Variants in ST8SIA6 observed in about 807,000 individuals in gnomAD.
ST8SIA6 encodes alpha-2,8-sialyltransferase 8F.
A neutral mutation model predicts 33.6 loss-of-function variants in ST8SIA6; 39 were observed. The ratio of observed to expected loss-of-function variants is 1.16; its 90% CI spans 0.90 to 1.52. The LOEUF (loss-of-function observed/expected upper bound fraction) is 1.52. Among genes scored for constraint, ST8SIA6 ranks in the 40% most tolerant of loss-of-function variants. The pLI is 0.00. For missense variants in ST8SIA6, 441 were observed against 443.8 expected, an observed-to-expected ratio of 0.99 and a Z score of 0.06; for synonymous variants, 172 against 167.2, an observed-to-expected ratio of 1.03 and a Z score of -0.22.
intron 2 of ST8SIA6, among the ~76,000 whole-genome samples, chr10:17,399,655 A>C (rs765364764): frequency 6.6e-6 from 1 of 152,094 alleles, no homozygotes; most frequent in East Asian, 1.9e-4. Context: ...GGTGGCTTAC[A>C]CCTGTAATCC....
chr10:17,396,514 G>C (rs2131671459), intron 2 of ST8SIA6, among the ~76,000 whole-genome samples: 1 of 152,242 alleles, frequency 6.6e-6, no homozygotes, highest in South Asian at 2.1e-4. Flanking sequence ...ACATGGTGCA[G>C]CTGGGTGAGC....
In ST8SIA6 at chr10:17,316,900, A is replaced by G. The variant is rs1051024223; in HGVS notation, c.*3978T>C. Reference sequence around the variant, plus strand: ...CTAAAAGCTATTTCAGTCTGTCCCCAGCCTATTAACTTTAAGGTGTCATTC... The same window carrying G: ...CTAAAAGCTATTTCAGTCTGTCCCCGGCCTATTAACTTTAAGGTGTCATTC... On this transcript the variant is annotated 3_prime_UTR_variant, in exon 8 of 8. Transcript: ENST00000377602. 3.3e-5 allele frequency among the ~76,000 whole-genome samples: 5 copies of G among 152,128 alleles called. No individual in the cohort carries two copies. The highest frequency in any genetic ancestry group is 7.4e-5 in the Non-Finnish European group (5 of 68,002).
At chr10:17,326,876 G>A in intron 6 of ST8SIA6, 138 bp downstream of exon 6, 1 of 546,544 alleles carries the variant, frequency 1.8e-6, no homozygotes, top group Non-Finnish European at 3.0e-6. Flanking sequence ...AACACTTCAG[G>A]AAACCTTCCC....
At chr10:17,324,720 C>T (rs1464827256) in intron 6 of ST8SIA6, among the ~76,000 whole-genome samples, 1 of 144,762 alleles carries the variant, frequency 6.9e-6, no homozygotes, top group Non-Finnish European at 1.5e-5. Context: ...CACACACACA[C>T]ACACACACAC....
At chr10:17,396,797 C>A (rs1850823200) in intron 2 of ST8SIA6, among the ~76,000 whole-genome samples, 1 of 152,160 alleles carries the variant, frequency 6.6e-6, no homozygotes, top group Non-Finnish European at 1.5e-5. Flanking sequence ...AAAGTGCAAC[C>A]AACTCTTGTC....
At chr10:17,324,366 C>A (rs1464443902) in intron 6 of ST8SIA6, among the ~76,000 whole-genome samples, 1 of 151,836 alleles carries the variant, frequency 6.6e-6, no homozygotes, top group Admixed American at 6.6e-5. Context: ...AAATACGGCA[C>A]CTTGGTAAAA....
intron 2 of ST8SIA6, among the ~76,000 whole-genome samples, chr10:17,439,240 T>C (rs1268996191): frequency 6.6e-6 from 1 of 151,992 alleles, no homozygotes; most frequent in African/African-American, 2.4e-5. Context: ...TTACAGGTCA[T>C]GCATTATTAC....
intron 3 of ST8SIA6, among the ~76,000 whole-genome samples, chr10:17,370,054 C>T (rs1564426573): frequency 6.6e-6 from 1 of 151,104 alleles, no homozygotes; most frequent in African/African-American, 2.4e-5. Context: ...GATCTCGGCT[C>T]ACTGCAAGCT....
At chr10:17,330,541 T>TA (rs1019019549) in intron 5 of ST8SIA6, among the ~76,000 whole-genome samples, 2 of 152,148 alleles carry the variant, frequency 1.3e-5, no homozygotes, top group Middle Eastern at 3.2e-3. Flanking sequence ...CTCTAAATCC[T>TA]AATATAAAAA....
At chr10:17,381,533 G>A (rs1354369459) in intron 3 of ST8SIA6, among the ~76,000 whole-genome samples, 2 of 152,128 alleles carry the variant, frequency 1.3e-5, no homozygotes, top group African/African-American at 4.8e-5. Context: ...GCTTTTAAAG[G>A]TTATATAACT....
At chr10:17,389,892 G>A (rs556692866) in intron 3 of ST8SIA6, among the ~76,000 whole-genome samples, 6 of 152,256 alleles carry the variant, frequency 3.9e-5, no homozygotes, top group Admixed American at 2.6e-4. Context: ...TGCAGTCATA[G>A]CTCACTGCAG....
intron 3 of ST8SIA6, among the ~76,000 whole-genome samples, chr10:17,362,647 G>C (rs1354770232): frequency 6.6e-6 from 1 of 152,132 alleles, no homozygotes; most frequent in Non-Finnish European, 1.5e-5. Flanking sequence ...TTTGAGGACT[G>C]ACCTTTTCTA....
intron 2 of ST8SIA6, among the ~76,000 whole-genome samples, chr10:17,433,712 G>GC (rs2131724586): frequency 6.6e-6 from 1 of 152,278 alleles, no homozygotes; most frequent in African/African-American, 2.4e-5. Context: ...CCTCACTGTA[G>GC]CCCCAGTAAT....
chr10:17,372,890 A>G (rs1849781110), intron 3 of ST8SIA6, among the ~76,000 whole-genome samples: 1 of 152,202 alleles, frequency 6.6e-6, no homozygotes, highest in African/African-American at 2.4e-5. Context: ...GACAGGGACT[A>G]TAGAAGTGTA....
intron 2 of ST8SIA6, among the ~76,000 whole-genome samples, chr10:17,419,191 G>A (rs1201136086): frequency 1.3e-5 from 2 of 151,860 alleles, no homozygotes; most frequent in East Asian, 3.9e-4. Context: ...AGAACCTTTA[G>A]TACCAGGCTG....
intron 4 of ST8SIA6, among the ~76,000 whole-genome samples, chr10:17,351,969 A>G (rs1264060678): frequency 6.6e-6 from 1 of 152,164 alleles, no homozygotes; most frequent in African/African-American, 2.4e-5. Flanking sequence ...TCCATTGCAC[A>G]ACATGGTGAC....
At chr10:17,345,440 C>A (rs979816502) in intron 4 of ST8SIA6, among the ~76,000 whole-genome samples, 8 of 152,178 alleles carry the variant, frequency 5.3e-5, no homozygotes, top group Non-Finnish European at 1.0e-4. Flanking sequence ...AGTATGGGGA[C>A]TCAGCTCCCC....
At chr10:17,432,690 C>CT (rs2017479460) in intron 2 of ST8SIA6, among the ~76,000 whole-genome samples, 2 of 152,180 alleles carry the variant, frequency 1.3e-5, no homozygotes, top group South Asian at 4.1e-4. Flanking sequence ...TTAAAGCAAA[C>CT]TAAATATGGC....
intron 2 of ST8SIA6, among the ~76,000 whole-genome samples, chr10:17,422,121 A>G (rs1460522063): frequency 6.6e-6 from 1 of 152,182 alleles, no homozygotes; most frequent in Non-Finnish European, 1.5e-5. Flanking sequence ...TTTCACTTTT[A>G]ATCAAGAGAA....
Sources: allele counts gnomAD v4.1 joint callset (sites outside exome capture counted in the v4.1 genomes callset), GRCh38; gene constraint gnomAD v4.1.1; transcripts MANE v1.5; gene names NCBI Gene and HGNC (gene_info 2026-07-23, HGNC 2026-07-21).